The following NRCAM variants were observed in gnomAD, a reference collection of about 807,000 sequenced individuals.
NRCAM encodes the protein NgCAM-related cell adhesion molecule.
A neutral mutation model predicts 156.5 loss-of-function variants in NRCAM; 83 were observed. That is an observed-to-expected ratio of 0.53 (90% CI 0.44 to 0.64). The LOEUF (loss-of-function observed/expected upper bound fraction) is 0.64, where lower values mean the gene tolerates loss of function less well. NRCAM is among the 30% of genes least tolerant of loss of function. The probability of loss-of-function intolerance (pLI) is 0.00; values close to 1 mark genes in which losing one functional copy is unlikely to be tolerated. For missense variants in NRCAM, 1,417 were observed against 1,597.3 expected, an observed-to-expected ratio of 0.89 and a Z score of 1.92; for synonymous variants, 538 against 563.9, an observed-to-expected ratio of 0.95 and a Z score of 0.65.
In NRCAM at chr7:108,255,657, C is replaced by T. The variant is rs549404990; in HGVS notation, c.-106-15487G>A. On this transcript the variant is annotated intron_variant, in intron 3 of 32. Transcript: ENST00000379028. ...CTGGGATGTGAGGAGCGTCTCTGCCCGGCCGCCCATCGTCTGAGATGTGGG... is the reference window on the plus strand; with the variant it reads ...CTGGGATGTGAGGAGCGTCTCTGCCTGGCCGCCCATCGTCTGAGATGTGGG... 6.2e-3 allele frequency among the ~76,000 whole-genome samples: 941 copies of T among 151,142 alleles called. 14 individuals carry two copies. The highest frequency in any genetic ancestry group is 0.022 in the African/African-American group (896 of 41,150).
chr7:108,204,284 GT>G (rs2079823327), intron 13 of NRCAM, among the ~76,000 whole-genome samples: 1 of 152,210 alleles, frequency 6.6e-6, no homozygotes, highest in Non-Finnish European at 1.5e-5. Flanking sequence ...TCAACACACA[GT>G]GGGGGCATGC....
At chr7:108,453,852 C>T (rs939279906) in intron 1 of NRCAM, among the ~76,000 whole-genome samples, 1 of 151,952 alleles carries the variant, frequency 6.6e-6, no homozygotes, top group Admixed American at 6.6e-5. Context: ...TCATAAATGC[C>T]CCCACATGTT....
intron 2 of NRCAM, among the ~76,000 whole-genome samples, chr7:108,365,935 C>T (rs1238245539): frequency 1.3e-5 from 2 of 152,134 alleles, no homozygotes; most frequent in Non-Finnish European, 2.9e-5. Context: ...TATGTTAAAA[C>T]TTTATCACCA....
chr7:108,344,036 C>A (rs1251018178), intron 2 of NRCAM, among the ~76,000 whole-genome samples: 1 of 152,140 alleles, frequency 6.6e-6, no homozygotes, highest in Non-Finnish European at 1.5e-5. Context: ...TTAATGACAC[C>A]AAAGGCAACC....
chr7:108,346,814 A>G (rs561401431), intron 2 of NRCAM, among the ~76,000 whole-genome samples: 1 of 152,294 alleles, frequency 6.6e-6, no homozygotes, highest in African/African-American at 2.4e-5. Flanking sequence ...TTGAAACTAC[A>G]TGAGTACATA....
intron 2 of NRCAM, among the ~76,000 whole-genome samples, chr7:108,397,469 G>A (rs1180786236): frequency 3.9e-5 from 6 of 152,218 alleles, no homozygotes; most frequent in African/African-American, 1.4e-4. Context: ...AATTTCAGCA[G>A]TCTGACTTGG....
chr7:108,197,022 A>T (rs546276281), intron 14 of NRCAM, among the ~76,000 whole-genome samples: 1 of 152,190 alleles, frequency 6.6e-6, no homozygotes, highest in African/African-American at 2.4e-5. Flanking sequence ...CTTAAAAAAG[A>T]AGGAAATTCT....
At chr7:108,237,336 A>G (rs991026387) in intron 5 of NRCAM, among the ~76,000 whole-genome samples, 1 of 152,216 alleles carries the variant, frequency 6.6e-6, no homozygotes, top group Non-Finnish European at 1.5e-5. Context: ...ATAAAAGGAC[A>G]TACAGCTGCC....
At position 108,447,655 on chromosome 7, in the gene NRCAM, T is replaced by C. The variant is rs941015110; in HGVS notation, c.-332+8588A>G. 3.9e-5 allele frequency among the ~76,000 whole-genome samples: 6 copies of C among 152,318 alleles called. No homozygotes were observed. In the South Asian group the frequency reaches 1.2e-3, roughly 32 times the overall value. On this transcript the variant is annotated intron_variant, in intron 1 of 32. Coordinates refer to ENST00000379028, the MANE Select transcript of NRCAM (RefSeq NM_001037132.4). ...AAACAGCTGGAAAATAGAGTGGATTTGGCTAGGAATTTAAGCATGTTACAC... is the reference window on the plus strand; with the variant it reads ...AAACAGCTGGAAAATAGAGTGGATTCGGCTAGGAATTTAAGCATGTTACAC...
At position 108,398,893 on chromosome 7, in the gene NRCAM, C is replaced by A. The variant is rs188808093; in HGVS notation, c.-174+543G>T. On this transcript the variant is annotated intron_variant, in intron 2 of 32. Coordinates refer to ENST00000379028, the MANE Select transcript of NRCAM (RefSeq NM_001037132.4). ...GCCTAGCAATGTTTACTGAACTGAACTGAAAATAAATGAAACTATGGGGAA... is the reference window on the plus strand; with the variant it reads ...GCCTAGCAATGTTTACTGAACTGAAATGAAAATAAATGAAACTATGGGGAA... 1.1e-3 allele frequency among the ~76,000 whole-genome samples: 157 copies of A among 144,836 alleles called. 1 individual carries two copies. The highest frequency in any genetic ancestry group is 3.7e-3 in the African/African-American group (154 of 41,214).
At chr7:108,303,415 C>G (rs2098662522) in intron 3 of NRCAM, among the ~76,000 whole-genome samples, 1 of 152,114 alleles carries the variant, frequency 6.6e-6, no homozygotes, top group South Asian at 2.1e-4. Context: ...GGACAGTGGC[C>G]CAAGCTCTAT....
chr7:108,359,014 C>T (rs1449691457), intron 2 of NRCAM, among the ~76,000 whole-genome samples: 3 of 152,218 alleles, frequency 2.0e-5, no homozygotes, highest in African/African-American at 7.2e-5. Context: ...GAGTTATACT[C>T]ACCTCCTACC....
chr7:108,389,462 T>A (rs1251647017), intron 2 of NRCAM, among the ~76,000 whole-genome samples: 1 of 152,158 alleles, frequency 6.6e-6, no homozygotes, highest in Non-Finnish European at 1.5e-5. Flanking sequence ...GGGGCTCAGA[T>A]GATGGGGTTT....
At chr7:108,279,559 C>G (rs1203762164) in intron 3 of NRCAM, among the ~76,000 whole-genome samples, 1 of 151,954 alleles carries the variant, frequency 6.6e-6, no homozygotes, top group Non-Finnish European at 1.5e-5. Flanking sequence ...TGCTCCGTTA[C>G]CCAGGCTGGA....
At chr7:108,249,021 C>T (rs1005895872) in intron 3 of NRCAM, among the ~76,000 whole-genome samples, 1 of 152,142 alleles carries the variant, frequency 6.6e-6, no homozygotes, top group Non-Finnish European at 1.5e-5. Context: ...CCTCCTCTGT[C>T]TTCCTCCCAG....
rs185138879 is a variant in NRCAM, at chr7:108,384,479, A to T, written c.-174+14957T>A. 9.8e-5 allele frequency among the ~76,000 whole-genome samples: 15 copies of T among 152,324 alleles called. No individual in the cohort carries two copies. The East Asian group carries it at 2.7e-3, about 27-fold the overall frequency. ...TTTGAACTTTTAAAAACCTGAAAGT[A>T]GCTAAAAAAAAATCCATCAGTTCTG... On this transcript the variant is annotated intron_variant, in intron 2 of 32. Coordinates refer to ENST00000379028, the MANE Select transcript of NRCAM (RefSeq NM_001037132.4).
In NRCAM at chr7:108,176,452, T is replaced by C; in HGVS notation, c.3129A>G (p.Glu1043=). 6.2e-7 allele frequency: 1 copy of C among 1,613,418 alleles called. No homozygotes were observed. The highest frequency in any genetic ancestry group is 8.5e-7 in the Non-Finnish European group (1 of 1,179,732). The change falls in exon 27 of 33, where the codon GAA becomes GAG. Residue 1043 remains glutamate (E), a synonymous_variant. Transcript: ENST00000379028. Reference sequence around the variant, plus strand: ...TACCTTCATCCACAGTTGTTACTGCTTCCTCTGTAATTTGACTTCCTGATC... The same window carrying C: ...TACCTTCATCCACAGTTGTTACTGCCTCCTCTGTAATTTGACTTCCTGATC... The part of the protein sequence containing the change: ...SAGSGSQITE[E]AVTTVDEAGI...
chr7:108,150,613 C>G (rs2040831322), intron 32 of NRCAM: 1 of 479,384 alleles, frequency 2.1e-6, no homozygotes, highest in Admixed American at 2.7e-5. Flanking sequence ...TTTTTTTTTT[C>G]TGAGCCAGAA....
At chr7:108,243,505 GAGA>G (rs2095682014) in intron 3 of NRCAM, among the ~76,000 whole-genome samples, 1 of 152,154 alleles carries the variant, frequency 6.6e-6, no homozygotes, top group Non-Finnish European at 1.5e-5. Context: ...TTCATTAAGT[GAGA>G]ATCATGAACT....
Sources: allele counts gnomAD v4.1 joint callset (sites outside exome capture counted in the v4.1 genomes callset), GRCh38; gene constraint gnomAD v4.1.1; transcripts MANE v1.5; gene names NCBI Gene and HGNC (gene_info 2026-07-23, HGNC 2026-07-21).